The following ITIH5 variants were observed in gnomAD, a reference collection of about 807,000 sequenced individuals.
ITIH5 encodes the protein inter-alpha-trypsin inhibitor heavy chain 5, also known as inter-alpha-trypsin inhibitor heavy chain H5.
ITIH5 carries 65 observed loss-of-function variants against 77.5 expected under a neutral mutation model. The observed-to-expected ratio is 0.84, with a 90% CI of 0.69 to 1.03. The LOEUF (loss-of-function observed/expected upper bound fraction) is 1.03. ITIH5 is among the 50% of genes least tolerant of loss of function. ITIH5 has a pLI of 0.00. For synonymous variants in ITIH5, 525 were observed against 494.3 expected, an observed-to-expected ratio of 1.06 and a Z score of -0.82; for missense variants, 1,208 against 1,213.1, an observed-to-expected ratio of 1.00 and a Z score of 0.06.
chr10:7,607,464 A>G (rs1387668302), intron 7 of ITIH5, among the ~76,000 whole-genome samples: 2 of 152,212 alleles, frequency 1.3e-5, no homozygotes, highest in African/African-American at 4.8e-5. Context: ...TAGGTAACAT[A>G]GTGAGACCCT....
Position 7,573,206 on chromosome 10 carries a change from G to A in ITIH5, c.1979-11C>T. ...TCTTGAGCAAAGGTCCTAAAAGGGAGAAGGAAGAGAACATCATGGTCATTC... is the reference window on the plus strand; with the variant it reads ...TCTTGAGCAAAGGTCCTAAAAGGGAAAAGGAAGAGAACATCATGGTCATTC... On this transcript the variant is annotated splice_polypyrimidine_tract_variant and intron_variant, in intron 10 of 13. Coordinates refer to ENST00000397146, the MANE Select transcript of ITIH5 (RefSeq NM_030569.7). The A allele has an allele frequency of 1.2e-6, 2 of 1,609,376 alleles. No homozygotes were observed. The highest frequency in any genetic ancestry group is 1.7e-6 in the Non-Finnish European group (2 of 1,175,668).
At chr10:7,577,036 A>C (rs772956786) in intron 9 of ITIH5, 24 bp from the exon 10 acceptor site, 272 of 1,578,580 alleles carry the variant, frequency 1.7e-4, no homozygotes, top group South Asian at 4.3e-4. Context: ...ACAGGGAGGG[A>C]GGGAGATCAG....
At chr10:7,665,684 G>T (rs1834350289) in intron 1 of ITIH5, among the ~76,000 whole-genome samples, 1 of 152,196 alleles carries the variant, frequency 6.6e-6, no homozygotes, top group Non-Finnish European at 1.5e-5. Context: ...CTCAAAAAGA[G>T]CCGCATTCCC....
At position 7,566,123 on chromosome 10, in the gene ITIH5, G is replaced by A; in HGVS notation, c.2434C>T (p.Leu812Phe). 1 of 1,614,116 alleles carries A rather than the reference G, an allele frequency of 6.2e-7. No individual in the cohort carries two copies. Among genetic ancestry groups the A allele is most frequent in the Non-Finnish European group, 8.5e-7 (1 of 1,180,036 alleles). ...TGGAAGGGCGCCGGCTTTTTGTAGA[G>A]GTGGATGAGGATGACAAAGGCTATG... is the stretch of plus-strand genomic sequence containing the variant. Reference protein sequence around the residue: ...GSIAFVILIHLYKKPAPFQRH... With the variant: ...GSIAFVILIHFYKKPAPFQRH... Residue 812 changes from leucine (L) to phenylalanine (F), a missense_variant, in exon 13 of 14, where the codon CTC becomes TTC. Transcript: ENST00000397146.
intron 4 of ITIH5, among the ~76,000 whole-genome samples, chr10:7,640,475 CAAAAAA>C (rs201317420): frequency 3.2e-4 from 25 of 77,964 alleles, no homozygotes; most frequent in African/African-American, 1.1e-3. Context: ...GACCTCATTC[CAAAAAA>C]AAAAAAAAAA....
chr10:7,586,022 G>A lies in ITIH5; in HGVS notation c.987C>T (p.Asp329=), dbSNP rs1832670973. The A allele has an allele frequency of 6.2e-7, 1 of 1,614,008 alleles. No homozygotes were observed. ...FTILHDLRPQ[D]RFSIIGFSNR... is the part of the protein sequence containing the mutation. ...TGGAAAATCCAATGATACTGAAACG[G>A]TCCTGGGGTCGGAGGTCATGGAGAA... is the stretch of plus-strand genomic sequence containing the variant. Residue 329 remains aspartate (D), a synonymous_variant, in exon 8 of 14, where the codon GAC becomes GAT. Transcript: ENST00000397146.
intron 7 of ITIH5, among the ~76,000 whole-genome samples, chr10:7,586,892 G>A (rs760534747): frequency 6.6e-6 from 1 of 151,762 alleles, no homozygotes; most frequent in Non-Finnish European, 1.5e-5. Context: ...ATGCAGTGGC[G>A]CGATCTCAGC....
At chr10:7,624,334 C>G (rs2131048199) in intron 5 of ITIH5, among the ~76,000 whole-genome samples, 2 of 150,782 alleles carry the variant, frequency 1.3e-5, no homozygotes, top group South Asian at 4.2e-4. Flanking sequence ...ATGGAGAAAC[C>G]CCGTCTCTAC....
At chr10:7,609,456 G>A (rs1833197066) in intron 7 of ITIH5, 1 of 456,542 alleles carries the variant, frequency 2.2e-6, no homozygotes, top group African/African-American at 2.0e-5. Flanking sequence ...AATAGCCCTT[G>A]GGAACCCAAT....
At chr10:7,614,614 A>C (rs2131032317) in intron 7 of ITIH5, among the ~76,000 whole-genome samples, 1 of 152,280 alleles carries the variant, frequency 6.6e-6, no homozygotes, top group East Asian at 1.9e-4. Flanking sequence ...ACAATAGTTA[A>C]ACCCTAGTCT....
Position 7,569,650 on chromosome 10 carries a change from G to T in ITIH5, c.2149+18C>A. 6.5e-7 allele frequency: 1 copy of T among 1,530,860 alleles called. No individual in the cohort carries two copies. Among genetic ancestry groups the T allele is most frequent in the Non-Finnish European group, 8.9e-7 (1 of 1,120,298 alleles). The allele number at this position is 1,530,860 out of a possible 1,614,324, so 94.8% of individuals were successfully genotyped here. A position where few individuals can be genotyped will look rare whatever the true frequency, so the allele number is the denominator to read the frequency against. On this transcript the variant is annotated intron_variant, in intron 12 of 13. Coordinates refer to ENST00000397146, the MANE Select transcript of ITIH5 (RefSeq NM_030569.7). ...ACCTGGTCCTTGCCCAGATGCTGCA[G>T]CGGAAGGTAGAACTTACCAGAGTCC...
chr10:7,661,072 T>C (rs1834268842), intron 1 of ITIH5, among the ~76,000 whole-genome samples: 1 of 152,200 alleles, frequency 6.6e-6, no homozygotes, highest in African/African-American at 2.4e-5. Flanking sequence ...TATTGTGAAC[T>C]GTGCATGCAA....
chr10:7,638,148 A>T (rs1833830910), intron 4 of ITIH5, among the ~76,000 whole-genome samples: 1 of 152,172 alleles, frequency 6.6e-6, no homozygotes, highest in Non-Finnish European at 1.5e-5. Flanking sequence ...ACATGCAGCA[A>T]AGGGCTGCAG....
intron 8 of ITIH5, among the ~76,000 whole-genome samples, chr10:7,583,861 C>G (rs2130972212): frequency 6.6e-6 from 1 of 152,310 alleles, no homozygotes; most frequent in Non-Finnish European, 1.5e-5. Context: ...GCAACTGGGG[C>G]ATCTCCTTCC....
intron 11 of ITIH5, chr10:7,572,397 A>G (rs1345928895): frequency 7.3e-7 from 1 of 1,364,858 alleles, no homozygotes; most frequent in East Asian, 4.5e-5. Flanking sequence ...TGAAGCCACG[A>G]ACTGAAAAAA....
chr10:7,601,264 CTG>C (rs1489960660), intron 7 of ITIH5, among the ~76,000 whole-genome samples: 1 of 152,140 alleles, frequency 6.6e-6, no homozygotes, highest in African/African-American at 2.4e-5. Context: ...AAAACAGTGA[CTG>C]TGAGAACTTC....
At chr10:7,650,347 C>T (rs1361404794) in intron 2 of ITIH5, among the ~76,000 whole-genome samples, 1 of 152,248 alleles carries the variant, frequency 6.6e-6, no homozygotes, top group Non-Finnish European at 1.5e-5. Context: ...TCTAACTCTG[C>T]TCCCCTTTGT....
intron 5 of ITIH5, among the ~76,000 whole-genome samples, chr10:7,630,847 T>G (rs1833700788): frequency 1.3e-5 from 2 of 152,136 alleles, no homozygotes; most frequent in Non-Finnish European, 2.9e-5. Context: ...GGCCAAACAC[T>G]TCTCGGTGAT....
intron 9 of ITIH5, 97 bp from the exon 10 acceptor site, chr10:7,577,109 A>G (rs932794972): frequency 3.8e-6 from 4 of 1,059,354 alleles, no homozygotes; most frequent in African/African-American, 3.2e-5. Flanking sequence ...AGGGGGATGC[A>G]TCTGATTTTA....
Sources: allele counts gnomAD v4.1 joint callset (sites outside exome capture counted in the v4.1 genomes callset), GRCh38; gene constraint gnomAD v4.1.1; transcripts MANE v1.5; gene names NCBI Gene and HGNC (gene_info 2026-07-23, HGNC 2026-07-21).